The following GRHL1 variants were observed in gnomAD, a reference collection of about 807,000 sequenced individuals.
The protein encoded by GRHL1 is grainyhead-like protein 1 homolog.
In GRHL1, 38 loss-of-function variants were observed where a neutral mutation model predicts 75.7. That is an observed-to-expected ratio of 0.50 (90% CI 0.39 to 0.66). GRHL1 has a LOEUF of 0.66. Ranked by LOEUF, GRHL1 falls within the 30% of genes least tolerant of loss-of-function variation. The pLI is 0.00. For synonymous variants in GRHL1, 266 were observed against 279.4 expected (o/e 0.95, Z 0.48); for missense variants, 589 against 767.5 (o/e 0.77, Z 2.75).
chr2:9,991,842 T>C (rs969271843), intron 10 of GRHL1, among the ~76,000 whole-genome samples, 165 bp from the exon 11 acceptor site: 1 of 152,224 alleles, frequency 6.6e-6, no homozygotes. Context: ...AACAAATTCC[T>C]TTACATAAAC....
intron 2 of GRHL1, among the ~76,000 whole-genome samples, chr2:9,956,687 T>C (rs149929821): frequency 6.8e-4 from 103 of 152,342 alleles, no homozygotes; most frequent in African/African-American, 2.3e-3. Context: ...AACATAGCCA[T>C]GAAGAGTTCC....
chr2:9,984,896 TAAA>T (rs5829244), intron 8 of GRHL1, among the ~76,000 whole-genome samples: 2 of 142,918 alleles, frequency 1.4e-5, no homozygotes, highest in Admixed American at 6.9e-5. Context: ...ACCCTGTCTC[TAAA>T]AAAAAAAAAA....
intron 2 of GRHL1, among the ~76,000 whole-genome samples, chr2:9,957,440 C>T (rs554460257): frequency 2.0e-5 from 3 of 150,670 alleles, no homozygotes; most frequent in East Asian, 1.9e-4. Context: ...TACAGAGTCT[C>T]GCTCTGTCGC....
chr2:9,957,158 A>C (rs1667064586), intron 2 of GRHL1, among the ~76,000 whole-genome samples: 1 of 151,708 alleles, frequency 6.6e-6, no homozygotes, highest in Admixed American at 6.6e-5. Flanking sequence ...TGCCTGGCTA[A>C]TTTTAAAATT....
intron 12 of GRHL1, among the ~76,000 whole-genome samples, 186 bp from the exon 13 acceptor site, chr2:9,995,693 A>T (rs1668832568): frequency 6.6e-6 from 1 of 152,180 alleles, no homozygotes; most frequent in Non-Finnish European, 1.5e-5. Flanking sequence ...TCTGCCTGTA[A>T]ATATCCATGA....
chr2:9,982,232 G>A (rs1247556102), intron 8 of GRHL1, among the ~76,000 whole-genome samples: 1 of 152,160 alleles, frequency 6.6e-6, no homozygotes, highest in Non-Finnish European at 1.5e-5. Context: ...ACTCTTTAAG[G>A]AAAGGAAACC....
Position 9,993,202 on chromosome 2 carries a change from C to G in GRHL1, c.1462-5C>G. 1 of 1,603,856 alleles carries G rather than the reference C, an allele frequency of 6.2e-7. No individual in the cohort carries two copies. Among genetic ancestry groups the G allele is most frequent in the Non-Finnish European group, 8.5e-7 (1 of 1,170,634 alleles). On this transcript the variant is annotated splice_region_variant and splice_polypyrimidine_tract_variant and intron_variant, in intron 11 of 15. Transcript: ENST00000324907. ...TTGAAAAGCAATCTATTCCTTTGGT[C>G]TTAGGTCCTTCCCATTGCCTCTGAA...
At chr2:9,961,575 A>G in intron 4 of GRHL1, 139 bp downstream of exon 4, 2 of 715,520 alleles carry the variant, frequency 2.8e-6, no homozygotes, top group Admixed American at 6.0e-5. Context: ...TTTAAGAGAA[A>G]AGGCCCATGG....
chr2:9,954,191 AT>A (rs1159502487), intron 1 of GRHL1, among the ~76,000 whole-genome samples: 2 of 151,740 alleles, frequency 1.3e-5, no homozygotes, highest in Non-Finnish European at 2.9e-5. Context: ...TTTCCCACCT[AT>A]TTTTTTTAAA....
intron 8 of GRHL1, among the ~76,000 whole-genome samples, chr2:9,971,799 T>C (rs1438778583): frequency 1.2e-4 from 18 of 152,246 alleles, no homozygotes; most frequent in Non-Finnish European, 4.4e-5. Context: ...AATTAGCTGA[T>C]ACAGAATAAA....
chr2:9,979,151 C>CAAAAAAAAAAAAAAAGAAAAAAAA (rs1668084872), intron 8 of GRHL1, among the ~76,000 whole-genome samples: 1 of 60,380 alleles, frequency 1.7e-5, no homozygotes, highest in Non-Finnish European at 2.9e-5. Flanking sequence ...GACTCTCTCT[C>CAAAAAAAAAAAAAAAGAAAAAAAA]AAAAAAAAAA....
At position 9,986,119 on chromosome 2, in the gene GRHL1, G is replaced by A. The variant is rs1020746187; in HGVS notation, c.1111-5G>A. On this transcript the variant is annotated splice_region_variant and splice_polypyrimidine_tract_variant and intron_variant, in intron 8 of 15. Transcript: ENST00000324907. ...TGCTTATGGAACCTTCTCTTCCCTT[G>A]GCAGGTTTTCATCTCTGTGAACTGC... The A allele has an allele frequency of 6.2e-7, 1 of 1,600,902 alleles. No individual in the cohort carries two copies. The highest frequency in any genetic ancestry group is 2.3e-5 in the East Asian group (1 of 43,718).
intron 15 of GRHL1, 48 bp downstream of exon 15, chr2:9,999,077 C>T: frequency 1.0e-6 from 1 of 976,442 alleles, no homozygotes; most frequent in South Asian, 1.5e-5. Context: ...CTGATGCCCC[C>T]CGCAGTGCTA....
chr2:9,961,685 G>A (rs1667282003), intron 4 of GRHL1, among the ~76,000 whole-genome samples: 5 of 152,128 alleles, frequency 3.3e-5, no homozygotes, highest in Admixed American at 2.6e-4. Flanking sequence ...TTTCAGCTAA[G>A]GGATTTGCTG....
intron 5 of GRHL1, 32 bp downstream of exon 5, chr2:9,962,563 T>G (rs887525990): frequency 8.6e-7 from 1 of 1,156,734 alleles, no homozygotes; most frequent in South Asian, 1.2e-5. Context: ...GATTTTTAAT[T>G]TGCAGCTTTT....
In GRHL1 at chr2:10,001,787, C is replaced by G. The variant is rs912632358; in HGVS notation, c.*1080C>G. The G allele has an allele frequency of 6.6e-6, 1 of 152,312 alleles. No homozygotes were observed. The highest frequency in any genetic ancestry group is 2.4e-5 in the African/African-American group (1 of 41,466). The allele number at this position is 152,312 out of a possible 1,614,324, so 9.4% of individuals were successfully genotyped here. On this transcript the variant is annotated 3_prime_UTR_variant, in exon 16 of 16. Transcript: ENST00000324907. The stretch of plus-strand genomic sequence containing the variant: ...GAAGAAACACTGTAATTACAGCACA[C>G]AGATTGCAAGTATTGCGTACCAAGT...
chr2:9,970,444 G>A (rs1360853756), intron 8 of GRHL1, among the ~76,000 whole-genome samples: 3 of 149,960 alleles, frequency 2.0e-5, no homozygotes, highest in African/African-American at 7.4e-5. Context: ...ACTGTTTTTG[G>A]AACTTGGTTG....
rs1028583213 is a variant in GRHL1 at position 9,968,668 on chromosome 2, G to A, written c.1110+3287G>A. On this transcript the variant is annotated intron_variant, in intron 8 of 15. Transcript: ENST00000324907. This position sits in a 1 kb window ranked among gnomAD's most constrained non-coding sequence, Gnocchi z 4.7. ...ATTTGCAGGACAAGATGAGGGCACT[G>A]GTCTCCTGCAGAAGAGAGGCCTAGG... Among the ~76,000 whole-genome samples, 4 of 152,202 alleles carry A rather than the reference G, an allele frequency of 2.6e-5. No homozygotes were observed. Among genetic ancestry groups the A allele is most frequent in the Admixed American group, 2.6e-4 (4 of 15,272 alleles).
chr2:9,977,542 A>G (rs1667998836), intron 8 of GRHL1, among the ~76,000 whole-genome samples: 1 of 152,198 alleles, frequency 6.6e-6, no homozygotes, highest in South Asian at 2.1e-4. Flanking sequence ...GGCTGGTCTC[A>G]AATTCCTGGC....
Sources: allele counts gnomAD v4.1 joint callset (sites outside exome capture counted in the v4.1 genomes callset), GRCh38; gene constraint gnomAD v4.1.1; non-coding constraint Gnocchi (gnomAD v3.1); transcripts MANE v1.5; gene names NCBI Gene and HGNC (gene_info 2026-07-23, HGNC 2026-07-21).